Variants in RIMS2 observed in about 807,000 individuals in gnomAD.
The protein encoded by RIMS2 is regulating synaptic membrane exocytosis 2, also known as regulating synaptic membrane exocytosis protein 2.
RIMS2 carries 59 observed loss-of-function variants against 174.4 expected under a neutral mutation model. The ratio of observed to expected loss-of-function variants is 0.34; its 90% CI spans 0.27 to 0.42. The LOEUF is 0.42. Among genes scored for constraint, RIMS2 ranks in the 10% least tolerant of loss-of-function variants. The pLI, the probability that RIMS2 is intolerant of heterozygous loss-of-function variation, is 1.00. For synonymous variants in RIMS2, 606 were observed against 572.5 expected (o/e 1.06, Z -0.84); for missense variants, 1,620 against 1,666.3 (o/e 0.97, Z 0.48).
chr8:103,806,839 T>C (rs1254174935), intron 3 of RIMS2, among the ~76,000 whole-genome samples: 1 of 151,906 alleles, frequency 6.6e-6, no homozygotes. Context: ...TGTGGTGGAG[T>C]GTGAAAGCAA....
chr8:103,921,752 G>A, exon 10 of RIMS2: 1 of 1,521,130 alleles, frequency 6.6e-7, no homozygotes. Context: ...AATGTTGAGG[G>A]ATGTCCCACA....
intron 1 of RIMS2, among the ~76,000 whole-genome samples, chr8:103,627,425 C>A (rs1022792224): frequency 1.3e-5 from 2 of 152,010 alleles, no homozygotes; most frequent in Admixed American, 6.6e-5. Context: ...AGGTGATGTA[C>A]GTTTTCAGTT....
intron 1 of RIMS2, among the ~76,000 whole-genome samples, chr8:103,680,166 T>G (rs2096861588): frequency 6.6e-6 from 1 of 152,044 alleles, no homozygotes; most frequent in Non-Finnish European, 1.5e-5. Context: ...TATCTTGTTA[T>G]GGAGTAAAGG....
intron 5 of RIMS2, 64 bp downstream of exon 8, chr8:103,910,593 T>A (rs1351286936): frequency 3.3e-6 from 3 of 903,798 alleles, no homozygotes; most frequent in East Asian, 5.0e-5. Flanking sequence ...TCTCTGTCAC[T>A]CATTAAAACA....
intron 1 of RIMS2, among the ~76,000 whole-genome samples, chr8:103,620,748 T>A (rs1163360651): frequency 1.3e-5 from 2 of 152,180 alleles, no homozygotes; most frequent in Admixed American, 1.3e-4. Flanking sequence ...AGATAAAGGA[T>A]ATTAAGTGGA....
At chr8:103,891,211 TCA>T (rs2099243161) in intron 4 of RIMS2, among the ~76,000 whole-genome samples, 1 of 152,078 alleles carries the variant, frequency 6.6e-6, no homozygotes, top group Non-Finnish European at 1.5e-5. Context: ...AAAGTCAAGT[TCA>T]CAGAGTAAGG....
chr8:104,114,227 A>G (rs1432359847), intron 19 of RIMS2, among the ~76,000 whole-genome samples: 1 of 152,014 alleles, frequency 6.6e-6, no homozygotes, highest in Non-Finnish European at 1.5e-5. Context: ...CCTAAGAGAA[A>G]TTCTATTTTG....
intron 1 of RIMS2, among the ~76,000 whole-genome samples, chr8:103,598,526 C>A (rs747793629): frequency 2.0e-5 from 3 of 152,150 alleles, no homozygotes; most frequent in African/African-American, 7.2e-5. Context: ...TATACTGTGG[C>A]AGGATTATAA....
intron 1 of RIMS2, among the ~76,000 whole-genome samples, chr8:103,554,883 A>G (rs138540998): frequency 1.6e-4 from 25 of 152,308 alleles, no homozygotes; most frequent in African/African-American, 6.0e-4. Context: ...CTTTGCAGCA[A>G]CATGGATAGA....
intron 3 of RIMS2, among the ~76,000 whole-genome samples, chr8:103,770,534 C>T (rs975451837): frequency 6.6e-6 from 1 of 152,084 alleles, no homozygotes; most frequent in African/African-American, 2.4e-5. Context: ...CAAGATCGTG[C>T]CATTGCATTC....
At chr8:103,867,740 T>G (rs2099090673) in intron 3 of RIMS2, among the ~76,000 whole-genome samples, 1 of 151,826 alleles carries the variant, frequency 6.6e-6, no homozygotes, top group African/African-American at 2.4e-5. Flanking sequence ...AAACATCAAA[T>G]TAAATAAAAA....
At chr8:104,045,746 CTG>C (rs1339881297) in intron 19 of RIMS2, among the ~76,000 whole-genome samples, 2 of 151,702 alleles carry the variant, frequency 1.3e-5, no homozygotes, top group African/African-American at 4.8e-5. Context: ...ACAGTTGGGT[CTG>C]TGCTACCTTA....
At chr8:104,077,272 C>A (rs1337820706) in intron 19 of RIMS2, among the ~76,000 whole-genome samples, 1 of 151,888 alleles carries the variant, frequency 6.6e-6, no homozygotes, top group African/African-American at 2.4e-5. Flanking sequence ...GAAAGAAGGA[C>A]AAAAGGAAGA....
At chr8:104,152,840 A>G (rs1009354435) in intron 19 of RIMS2, among the ~76,000 whole-genome samples, 1 of 152,064 alleles carries the variant, frequency 6.6e-6, no homozygotes, top group Admixed American at 6.5e-5. Context: ...GTGAAGATCT[A>G]TATGTAATTA....
chr8:103,614,650 T>A (rs1218813934), intron 1 of RIMS2, among the ~76,000 whole-genome samples: 2 of 152,244 alleles, frequency 1.3e-5, no homozygotes, highest in Non-Finnish European at 2.9e-5. Flanking sequence ...TCTCAAATCG[T>A]GGTGAGTACA....
At chr8:104,195,735 A>G (rs1206313489) in intron 19 of RIMS2, among the ~76,000 whole-genome samples, 1 of 151,944 alleles carries the variant, frequency 6.6e-6, no homozygotes, top group Non-Finnish European at 1.5e-5. Flanking sequence ...GGATGGCTCA[A>G]ACTCCTGGCT....
intron 6 of RIMS2, among the ~76,000 whole-genome samples, chr8:103,913,438 T>TA (rs1367503491): frequency 6.6e-6 from 1 of 151,964 alleles, no homozygotes; most frequent in African/African-American, 2.4e-5. Flanking sequence ...TGTCTCTCTC[T>TA]AAAAAAAGTA....
chr8:103,935,098 T>C (rs994090911), intron 12 of RIMS2, among the ~76,000 whole-genome samples: 3 of 152,216 alleles, frequency 2.0e-5, no homozygotes, highest in African/African-American at 7.2e-5. Context: ...TCAGAATTCA[T>C]TCTTCGTCAA....
chr8:103,723,089 G>A lies in RIMS2; in HGVS notation c.387+25793G>A, dbSNP rs1201554907. ...ATTGTGCCACTGCACTCGAGCCTGG[G>A]CGACAGAGCAAGACCCTGTCTCCAA... On this transcript the variant is annotated intron_variant, in intron 2 of 23. Coordinates refer to ENST00000504942, the Ensembl canonical transcript of RIMS2. Among the ~76,000 whole-genome samples, 4 of 152,180 alleles carry A rather than the reference G, an allele frequency of 2.6e-5. 1 individual carries two copies. The highest frequency in any genetic ancestry group is 6.3e-3 in the Middle Eastern group (2 of 316).
Sources: gnomAD v4.1 joint callset for allele counts (sites outside exome capture counted in the v4.1 genomes callset) on GRCh38, gnomAD v4.1.1 for gene constraint, MANE v1.5 for transcripts, NCBI Gene and HGNC (gene_info 2026-07-23, HGNC 2026-07-21) for gene names.